The following KHDRBS2 variants were observed in gnomAD, a reference collection of about 807,000 sequenced individuals.
KHDRBS2 encodes the protein KH domain-containing, RNA-binding, signal transduction-associated protein 2.
In KHDRBS2, 26 loss-of-function variants were observed where a neutral mutation model predicts 44.3. The ratio of observed to expected loss-of-function variants is 0.59; its 90% CI spans 0.43 to 0.81. The LOEUF (loss-of-function observed/expected upper bound fraction) is 0.81, where lower values mean the gene tolerates loss of function less well. Ranked by LOEUF, KHDRBS2 falls within the 40% of genes least tolerant of loss-of-function variation. The pLI, the probability that KHDRBS2 is intolerant of heterozygous loss-of-function variation, is 0.00. For synonymous variants in KHDRBS2, 194 were observed against 151.1 expected (o/e 1.28, Z -2.08); for missense variants, 476 against 433.1 (o/e 1.10, Z -0.88).
the KHDRBS2 span, among the ~76,000 whole-genome samples, chr6:61,644,825 G>A: frequency 2.0e-5 from 3 of 152,132 alleles, no homozygotes; most frequent in Non-Finnish European, 4.4e-5. Context: ...TGGCAAGGTT[G>A]TGGAGAAAAG....
At chr6:61,624,712 G>A in the KHDRBS2 span, among the ~76,000 whole-genome samples, 1 of 152,218 alleles carries the variant, frequency 6.6e-6, no homozygotes, top group East Asian at 1.9e-4. Flanking sequence ...GTGACACCTT[G>A]ATGGCAATGC....
intron 2 of KHDRBS2, among the ~76,000 whole-genome samples, chr6:62,077,194 G>C (rs374868667): frequency 2.0e-5 from 3 of 151,984 alleles, no homozygotes; most frequent in Non-Finnish European, 2.9e-5. Flanking sequence ...TGAAGAGCAA[G>C]GACCATATTA....
intron 1 of KHDRBS2, among the ~76,000 whole-genome samples, chr6:62,203,878 G>A (rs533703414): frequency 4.6e-5 from 7 of 152,286 alleles, no homozygotes; most frequent in African/African-American, 1.4e-4. Context: ...AATGGCAGAC[G>A]TTTGGATTAT....
intron 1 of KHDRBS2, among the ~76,000 whole-genome samples, chr6:62,203,949 T>A (rs1827501280): frequency 6.6e-6 from 1 of 152,232 alleles, no homozygotes; most frequent in South Asian, 2.1e-4. Flanking sequence ...AAGTTCTCAC[T>A]CTATTAATTC....
intron 1 of KHDRBS2, among the ~76,000 whole-genome samples, chr6:62,216,965 C>A (rs1288339040): frequency 6.8e-6 from 1 of 146,206 alleles, no homozygotes; most frequent in Non-Finnish European, 1.5e-5. Context: ...TGTGAACTAA[C>A]AGACTATAGA....
At chr6:61,703,045 A>G (rs1213997261) in intron 7 of KHDRBS2, among the ~76,000 whole-genome samples, 1 of 151,874 alleles carries the variant, frequency 6.6e-6, no homozygotes, top group East Asian at 1.9e-4. Flanking sequence ...AATCTCTGTA[A>G]TTGTAACAAT....
At chr6:62,071,075 T>G (rs1194958161) in intron 2 of KHDRBS2, among the ~76,000 whole-genome samples, 1 of 152,230 alleles carries the variant, frequency 6.6e-6, no homozygotes, top group Non-Finnish European at 1.5e-5. Flanking sequence ...TGATTTGCAT[T>G]TCTCTGATGG....
intron 3 of KHDRBS2, among the ~76,000 whole-genome samples, chr6:62,046,991 G>C (rs1411191786): frequency 1.3e-5 from 2 of 152,002 alleles, no homozygotes; most frequent in South Asian, 2.1e-4. Flanking sequence ...CACCAGTTCA[G>C]TGACATTTCA....
intron 1 of KHDRBS2, among the ~76,000 whole-genome samples, chr6:62,194,189 T>C (rs904822170): frequency 6.6e-6 from 1 of 152,024 alleles, no homozygotes; most frequent in Non-Finnish European, 1.5e-5. Context: ...TTTCCAGGAG[T>C]TTTATAACTT....
intron 6 of KHDRBS2, among the ~76,000 whole-genome samples, chr6:61,832,051 G>A (rs1395008266): frequency 6.6e-6 from 1 of 152,112 alleles, no homozygotes; most frequent in East Asian, 1.9e-4. Context: ...GATGAGCCTG[G>A]GCAACAAAGT....
chr6:61,717,381 G>A (rs985004495), intron 7 of KHDRBS2, among the ~76,000 whole-genome samples: 68 of 152,110 alleles, frequency 4.5e-4, no homozygotes, highest in African/African-American at 1.6e-3. Flanking sequence ...TTTATTGAGA[G>A]CTGAATTCTC....
chr6:62,028,363 C>A (rs1274882360), intron 3 of KHDRBS2, among the ~76,000 whole-genome samples: 1 of 151,954 alleles, frequency 6.6e-6, no homozygotes, highest in East Asian at 1.9e-4. Context: ...CCTATTAATT[C>A]TTTTTGTTCA....
intron 2 of KHDRBS2, among the ~76,000 whole-genome samples, chr6:62,103,105 C>T (rs1802280002): frequency 6.6e-6 from 1 of 152,050 alleles, no homozygotes; most frequent in Non-Finnish European, 1.5e-5. Context: ...GGAAAAAGTA[C>T]CATCCAACCA....
At chr6:62,128,970 T>C (rs1809613912) in intron 2 of KHDRBS2, among the ~76,000 whole-genome samples, 2 of 152,054 alleles carry the variant, frequency 1.3e-5, no homozygotes, top group South Asian at 2.1e-4. Flanking sequence ...ACTTATTCCA[T>C]ATAGACATGA....
intron 2 of KHDRBS2, among the ~76,000 whole-genome samples, chr6:62,174,964 TA>T (rs1413925361): frequency 6.6e-6 from 1 of 151,736 alleles, no homozygotes; most frequent in South Asian, 2.1e-4. Context: ...ATCATAATCT[TA>T]ACTATCTCAC....
chr6:62,268,232 T>C (rs544631173), intron 1 of KHDRBS2, among the ~76,000 whole-genome samples: 1 of 152,172 alleles, frequency 6.6e-6, no homozygotes, highest in South Asian at 2.1e-4. Context: ...AACATACTTC[T>C]TTGAGAATTA....
chr6:61,955,270 G>T (rs1766487295), intron 4 of KHDRBS2, among the ~76,000 whole-genome samples: 1 of 129,012 alleles, frequency 7.8e-6, no homozygotes, highest in Non-Finnish European at 1.7e-5. Flanking sequence ...ATACATATAC[G>T]TGTAAATATA....
the KHDRBS2 span, among the ~76,000 whole-genome samples, chr6:61,587,739 T>C: frequency 6.6e-6 from 1 of 152,166 alleles, no homozygotes; most frequent in Non-Finnish European, 1.5e-5. Flanking sequence ...ATGTCGTTGG[T>C]TACAGAACAT....
intron 6 of KHDRBS2, among the ~76,000 whole-genome samples, chr6:61,851,502 G>A (rs1398694931): frequency 6.6e-6 from 1 of 152,004 alleles, no homozygotes; most frequent in African/African-American, 2.4e-5. Flanking sequence ...ATATGGATGG[G>A]CCCTACTCCA....
Sources: allele counts gnomAD v4.1 joint callset (sites outside exome capture counted in the v4.1 genomes callset), GRCh38; gene constraint gnomAD v4.1.1; transcripts MANE v1.5; gene names NCBI Gene and HGNC (gene_info 2026-07-23, HGNC 2026-07-21).